Variants in RASGEF1C observed in about 807,000 individuals in gnomAD.
RASGEF1C encodes the protein RasGEF domain family member 1C.
In RASGEF1C, 27 loss-of-function variants were observed where a neutral mutation model predicts 58.1. The observed-to-expected ratio is 0.46, with a 90% CI of 0.34 to 0.64. The LOEUF is 0.64. RASGEF1C is among the 30% of genes least tolerant of loss of function. RASGEF1C has a pLI of 0.01. For synonymous variants in RASGEF1C, 243 were observed against 246.3 expected (o/e 0.99, Z 0.13); for missense variants, 502 against 605.1 (o/e 0.83, Z 1.79).
chr5:180,180,315 T>C (rs954442920), intron 1 of RASGEF1C, among the ~76,000 whole-genome samples: 2 of 152,222 alleles, frequency 1.3e-5, no homozygotes, highest in Non-Finnish European at 2.9e-5. Flanking sequence ...TGGCCGCTGC[T>C]GTCAGATTTA....
chr5:180,137,506 C>A lies in RASGEF1C; in HGVS notation c.300+84G>T. The A allele has an allele frequency of 1.3e-6, 2 of 1,529,950 alleles. No homozygotes were observed. Among genetic ancestry groups the A allele is most frequent in the South Asian group, 1.2e-5 (1 of 83,818 alleles). The allele number at this position is 1,529,950 out of a possible 1,614,324, so 94.8% of individuals were successfully genotyped here. A position where few individuals can be genotyped will look rare whatever the true frequency, so the allele number is the denominator to read the frequency against. On this transcript the variant is annotated intron_variant, in intron 3 of 13. Transcript: ENST00000361132. The surrounding 1 kb of genome is among the most constrained non-coding windows in gnomAD (Gnocchi z 4.1). ...GTCAGGAAAACGGGGACAATCATTG[C>A]CTCCCCGAGAGGCTGATGCGTTGAG...
At chr5:180,141,758 G>A (rs1455028123) in intron 1 of RASGEF1C, among the ~76,000 whole-genome samples, 1 of 149,754 alleles carries the variant, frequency 6.7e-6, no homozygotes, top group East Asian at 1.9e-4. Context: ...TCACCAGGCT[G>A]GAGTGTAGTG....
chr5:180,107,600 T>A (rs753093410), intron 12 of RASGEF1C, among the ~76,000 whole-genome samples: 61 of 152,204 alleles, frequency 4.0e-4, no homozygotes, highest in African/African-American at 6.5e-4. Flanking sequence ...TAAAAAAAAA[T>A]TTATTTTTTA....
intron 10 of RASGEF1C, 79 bp from the exon 11 acceptor site, chr5:180,114,620 C>CAGAT: frequency 7.3e-7 from 1 of 1,371,096 alleles, no homozygotes; most frequent in East Asian, 2.6e-5. Flanking sequence ...GCCTTGCCAG[C>CAGAT]AGATAGCTGC....
chr5:180,138,749 A>G (rs1386078321), intron 1 of RASGEF1C, among the ~76,000 whole-genome samples: 1 of 151,818 alleles, frequency 6.6e-6, no homozygotes, highest in African/African-American at 2.4e-5. Flanking sequence ...GTCCATCCTC[A>G]CCGCCTATCA....
Position 180,177,460 on chromosome 5 carries a change from C to T in RASGEF1C, c.-7+31568G>A, listed in dbSNP as rs1289578485. On this transcript the variant is annotated intron_variant, in intron 1 of 13. Transcript: ENST00000361132. The surrounding 1 kb of genome is among the most constrained non-coding windows in gnomAD (Gnocchi z 5.0). The stretch of plus-strand genomic sequence containing the variant: ...GGGCCGCAGCAGTCCACGGGCAGGG[C>T]AGAGCCCCGGGCTTCCTTCCGGGAC... 1.3e-5 allele frequency among the ~76,000 whole-genome samples: 2 copies of T among 152,246 alleles called. No homozygotes were observed. Among genetic ancestry groups the T allele is most frequent in the East Asian group, 3.9e-4 (2 of 5,194 alleles).
chr5:180,205,240 T>C (rs1376189995), intron 1 of RASGEF1C, among the ~76,000 whole-genome samples: 1 of 151,590 alleles, frequency 6.6e-6, no homozygotes, highest in South Asian at 2.1e-4. Context: ...ACAATAAAAC[T>C]AACAATAAAA....
intron 12 of RASGEF1C, among the ~76,000 whole-genome samples, chr5:180,108,360 C>T (rs1276962927): frequency 6.6e-6 from 1 of 151,986 alleles, no homozygotes; most frequent in African/African-American, 2.4e-5. Flanking sequence ...CGACACCACG[C>T]TTGGCTAATT....
At position 180,195,635 on chromosome 5, in the gene RASGEF1C, G is replaced by A. The variant is rs966633570; in HGVS notation, c.-7+13393C>T. On this transcript the variant is annotated intron_variant, in intron 1 of 13. Transcript: ENST00000361132. The stretch of plus-strand genomic sequence containing the variant: ...AAATTAGCTGGGCGCGGTGGCGGGC[G>A]CCTGTAGTCCCAGCTACTCGGGAGG... Among the ~76,000 whole-genome samples, 6 of 152,106 alleles carry A rather than the reference G, an allele frequency of 3.9e-5. No individual in the cohort carries two copies. The South Asian group carries it at 6.2e-4, about 16-fold the overall frequency.
At chr5:180,195,605 A>G (rs1189469018) in intron 1 of RASGEF1C, among the ~76,000 whole-genome samples, 4 of 151,598 alleles carry the variant, frequency 2.6e-5, no homozygotes, top group Non-Finnish European at 4.4e-5. Flanking sequence ...CTAAAAATAC[A>G]AAAAAAATTA....
chr5:180,131,687 GAC>G (rs903827529), intron 4 of RASGEF1C, among the ~76,000 whole-genome samples: 10 of 152,194 alleles, frequency 6.6e-5, no homozygotes, highest in African/African-American at 2.4e-4. Flanking sequence ...TTCACCTGCT[GAC>G]AGTCAGACGC....
intron 1 of RASGEF1C, among the ~76,000 whole-genome samples, chr5:180,150,627 C>T (rs548204633): frequency 4.6e-5 from 7 of 152,078 alleles, no homozygotes; most frequent in South Asian, 2.1e-4. Flanking sequence ...GTCAGGAGTT[C>T]GAGACCAGCC....
chr5:180,199,409 TA>T (rs759775951), intron 1 of RASGEF1C, among the ~76,000 whole-genome samples: 3 of 152,120 alleles, frequency 2.0e-5, no homozygotes, highest in Non-Finnish European at 4.4e-5. Context: ...GAAAGGACAC[TA>T]AACAACTAAC....
intron 12 of RASGEF1C, among the ~76,000 whole-genome samples, chr5:180,103,165 C>CAT (rs1443805569): frequency 6.6e-6 from 1 of 152,152 alleles, no homozygotes; most frequent in East Asian, 1.9e-4. Context: ...GCAAGCTCTG[C>CAT]CTCCCGGGTT....
chr5:180,111,258 T>G (rs1765954422), intron 12 of RASGEF1C, among the ~76,000 whole-genome samples, 199 bp downstream of exon 12: 1 of 152,138 alleles, frequency 6.6e-6, no homozygotes, highest in African/African-American at 2.4e-5. Context: ...AGCTTGGACC[T>G]CCTCAGGCCC....
intron 4 of RASGEF1C, among the ~76,000 whole-genome samples, chr5:180,134,403 C>T (rs771662968): frequency 2.6e-5 from 4 of 151,994 alleles, no homozygotes; most frequent in Non-Finnish European, 5.9e-5. Flanking sequence ...AGCCCCACCA[C>T]CAAGACATGG....
rs1467397076 is a variant in RASGEF1C, at chr5:180,118,635, G to C, written c.1057C>G (p.Leu353Val). The C allele has an allele frequency of 6.2e-7, 1 of 1,613,178 alleles. No homozygotes were observed. Among genetic ancestry groups the C allele is most frequent in the African/African-American group, 1.3e-5 (1 of 74,934 alleles). The change falls in exon 10 of 14, where the codon CTG becomes GTG. Residue 353 changes from leucine to valine, a missense_variant. Physicochemically the swap from Leu to Val is conservative, Grantham distance 32. Coordinates refer to ENST00000361132, the MANE Select transcript of RASGEF1C (RefSeq NM_175062.4). ...TTCTCTCGGCTGCTGTGGGCCGTCA[G>C]GGAGCGGTGGGCCGCCCCGCGCAGG... ...TALRGAAHRS[L>V]TAHSSREKIV... is the part of the protein sequence containing the mutation.
Position 180,111,444 on chromosome 5 carries a change from A to C in RASGEF1C, c.1303+13T>G, listed in dbSNP as rs1172049205. ...GTGGCCCAGTAGGCAGGAGGGCTGCAGGGCTACCTTACCATCCTCACTGAA... is the reference window on the plus strand; with the variant it reads ...GTGGCCCAGTAGGCAGGAGGGCTGCCGGGCTACCTTACCATCCTCACTGAA... On this transcript the variant is annotated intron_variant, in intron 12 of 13. Coordinates refer to ENST00000361132, the MANE Select transcript of RASGEF1C (RefSeq NM_175062.4). 2 of 1,613,998 alleles carry C rather than the reference A, an allele frequency of 1.2e-6. No homozygotes were observed. The highest frequency in any genetic ancestry group is 1.3e-5 in the African/African-American group (1 of 74,946).
intron 1 of RASGEF1C, among the ~76,000 whole-genome samples, chr5:180,147,250 C>A (rs1328491669): frequency 1.0e-5 from 1 of 96,362 alleles, no homozygotes; most frequent in Non-Finnish European, 2.2e-5. Context: ...TTTGAAGAAC[C>A]AACTTTAGGC....
Sources: gnomAD v4.1 joint callset for allele counts (sites outside exome capture counted in the v4.1 genomes callset) on GRCh38, gnomAD v4.1.1 for gene constraint, Gnocchi (gnomAD v3.1) non-coding constraint, MANE v1.5 for transcripts, NCBI Gene and HGNC (gene_info 2026-07-23, HGNC 2026-07-21) for gene names.